CHD6: variants seen among roughly 807,000 people sequenced by gnomAD.
CHD6 encodes the protein chromodomain helicase DNA binding protein 6, also known as ATP-dependent chromatin remodeler CHD6.
In CHD6, 50 loss-of-function variants were observed where a neutral mutation model predicts 276.9. The ratio of observed to expected loss-of-function variants is 0.18; its 90% CI spans 0.14 to 0.23. The LOEUF (loss-of-function observed/expected upper bound fraction) is 0.23, where lower values mean the gene tolerates loss of function less well. Ranked by LOEUF, CHD6 falls within the 10% of genes least tolerant of loss-of-function variation. The pLI, the probability that CHD6 is intolerant of heterozygous loss-of-function variation, is 1.00. For synonymous variants in CHD6, 1,173 were observed against 1,229.3 expected, an observed-to-expected ratio of 0.95 and a Z score of 0.96; for missense variants, 2,564 against 3,365.8, an observed-to-expected ratio of 0.76 and a Z score of 5.89.
chr20:41,555,002 G>C, intron 1 of CHD6, among the ~76,000 whole-genome samples: 1 of 150,420 alleles, frequency 6.6e-6, no homozygotes, highest in African/African-American at 2.5e-5. Context: ...GGCTGGCCGG[G>C]CGGGGGGCTG....
intron 5 of CHD6, among the ~76,000 whole-genome samples, chr20:41,510,837 A>G (rs2044100235): frequency 6.6e-6 from 1 of 152,264 alleles, no homozygotes; most frequent in Non-Finnish European, 1.5e-5. Flanking sequence ...ACAAAGCAAT[A>G]CAATTCTATC....
At position 41,452,504 on chromosome 20, in the gene CHD6, T is replaced by C. The variant is rs544217133; in HGVS notation, c.3323+236A>G. On this transcript the variant is annotated intron_variant, in intron 21 of 36. Coordinates refer to ENST00000373233, the MANE Select transcript of CHD6 (RefSeq NM_032221.5). The surrounding 1 kb of genome is among the most constrained non-coding windows in gnomAD (Gnocchi z 4.2). ...CCAGACAGCAAATTAGGACCAGAGATTTGTTGTGACAGGCATATGAGAAAA... is the reference window on the plus strand; with the variant it reads ...CCAGACAGCAAATTAGGACCAGAGACTTGTTGTGACAGGCATATGAGAAAA... 1.3e-5 allele frequency among the ~76,000 whole-genome samples: 2 copies of C among 152,174 alleles called. No homozygotes were observed. Among genetic ancestry groups the C allele is most frequent in the South Asian group, 4.2e-4 (2 of 4,812 alleles).
At position 41,455,925 on chromosome 20, in the gene CHD6, C is replaced by G; in HGVS notation, c.2884G>C (p.Gly962Arg). The change falls in exon 19 of 37, where the codon GGA (glycine) becomes CGA (arginine). Residue 962 changes from glycine (G) to arginine (R), a missense_variant. Coordinates refer to ENST00000373233, the MANE Select transcript of CHD6 (RefSeq NM_032221.5). The stretch of plus-strand genomic sequence containing the variant: ...TCATCTTCTTCATCCATTAAGGCTC[C>G]ATAAGCACCTTTCCGGAGTAGGTCC... ...VEDLLRKGAY[G>R]ALMDEEDEGS... 1.9e-6 allele frequency: 3 copies of G among 1,609,068 alleles called. No homozygotes were observed. Among genetic ancestry groups the G allele is most frequent in the Non-Finnish European group, 2.5e-6 (3 of 1,178,116 alleles).
At chr20:41,539,004 T>A (rs1047759583) in intron 2 of CHD6, among the ~76,000 whole-genome samples, 1 of 152,160 alleles carries the variant, frequency 6.6e-6, no homozygotes, top group Non-Finnish European at 1.5e-5. Flanking sequence ...ATACCCTGCA[T>A]GGACTGCCCA....
chr20:41,444,725 A>G (rs2048011282), intron 25 of CHD6, among the ~76,000 whole-genome samples: 1 of 152,086 alleles, frequency 6.6e-6, no homozygotes, highest in Non-Finnish European at 1.5e-5. Context: ...CCTATTATGT[A>G]CCAAGCACTG....
rs1434212787 is a variant in CHD6 at position 41,421,649 on chromosome 20, T to C, written c.4986A>G (p.Leu1662=). Residue 1662 remains leucine (L), a synonymous_variant, in exon 31 of 37, where the codon CTA becomes CTG. Transcript: ENST00000373233. ...SESLENEPEN[L]VRVESRDDHL... Reference sequence around the variant, plus strand: ...GATCATCTCTGCTTTCTACTCTCACTAGATTTTCAGGTTCATTTTCAAGGG... The same window carrying C: ...GATCATCTCTGCTTTCTACTCTCACCAGATTTTCAGGTTCATTTTCAAGGG... 6.2e-7 allele frequency: 1 copy of C among 1,613,620 alleles called. No homozygotes were observed. Among genetic ancestry groups the C allele is most frequent in the Admixed American group, 1.7e-5 (1 of 59,964 alleles).
At chr20:41,525,300 A>T (rs981300601) in intron 3 of CHD6, among the ~76,000 whole-genome samples, 1 of 152,184 alleles carries the variant, frequency 6.6e-6, no homozygotes, top group South Asian at 2.1e-4. Flanking sequence ...CAATATCCTT[A>T]GAGTAATTGC....
intron 1 of CHD6, among the ~76,000 whole-genome samples, chr20:41,601,046 C>T (rs559599852): frequency 6.6e-6 from 1 of 152,318 alleles, no homozygotes; most frequent in African/African-American, 2.4e-5. Context: ...CTCTGCCCAC[C>T]TTTCCAGGAA....
chr20:41,476,690 C>T (rs1432982715), intron 16 of CHD6, among the ~76,000 whole-genome samples: 1 of 151,730 alleles, frequency 6.6e-6, no homozygotes. Context: ...AATGCAAACA[C>T]TTTACAAATA....
Position 41,474,176 on chromosome 20 carries a change from G to A in CHD6, c.2469-659C>T, listed in dbSNP as rs191785572. 2.7e-3 allele frequency among the ~76,000 whole-genome samples: 417 copies of A among 152,308 alleles called. 1 individual carries two copies. Among genetic ancestry groups the A allele is most frequent in the African/African-American group, 9.2e-3 (384 of 41,560 alleles). On this transcript the variant is annotated intron_variant, in intron 16 of 36. Coordinates refer to ENST00000373233, the MANE Select transcript of CHD6 (RefSeq NM_032221.5). ...GGTGTGTGTGTGGGGTGAAGGAACT[G>A]ATGAATAGTTAGAGGAAAATAAAGT...
intron 1 of CHD6, among the ~76,000 whole-genome samples, chr20:41,590,176 G>A (rs1224528061): frequency 1.3e-5 from 2 of 152,092 alleles, no homozygotes; most frequent in Non-Finnish European, 2.9e-5. Flanking sequence ...GAAAGCTGAA[G>A]TTCGATCCCT....
At chr20:41,407,224 G>GTGTGTGAAAACGTGCATA (rs2046704747) in intron 36 of CHD6, among the ~76,000 whole-genome samples, 1 of 152,188 alleles carries the variant, frequency 6.6e-6, no homozygotes, top group African/African-American at 2.4e-5. Context: ...TTCCACTAGA[G>GTGTGTGAAAACGTGCATA]TCTGCAGAGT....
chr20:41,405,900 A>G (rs564007755), intron 36 of CHD6, among the ~76,000 whole-genome samples: 7 of 152,272 alleles, frequency 4.6e-5, no homozygotes, highest in Admixed American at 1.3e-4. Context: ...CTCTTGACAC[A>G]GGTTTTTATT....
intron 3 of CHD6, among the ~76,000 whole-genome samples, chr20:41,521,399 T>C (rs958770056): frequency 2.6e-5 from 4 of 152,126 alleles, no homozygotes; most frequent in Non-Finnish European, 4.4e-5. Context: ...AGTGAACGTA[T>C]TGATGTTGGG....
At chr20:41,576,056 A>C (rs2045470977) in intron 1 of CHD6, among the ~76,000 whole-genome samples, 1 of 152,224 alleles carries the variant, frequency 6.6e-6, no homozygotes, top group South Asian at 2.1e-4. Flanking sequence ...ATATAGAGGA[A>C]AAATTAATTC....
Position 41,487,669 on chromosome 20 carries a change from T to A in CHD6, c.1997A>T (p.Glu666Val). ...LEEFGDLKTE[E>V]QVKKLQSILK... The stretch of plus-strand genomic sequence containing the variant: ...ATTCTTTGGGTCCCTAATTACCTGC[T>A]CCTCTGTTTTCAGATCTCCAAATTC... The change falls in exon 14 of 37, where the codon GAG becomes GTG. Residue 666 changes from glutamate (E) to valine (V), a missense_variant. This residue lies in a region of CHD6 where 457 missense variants were observed against 889.0 expected (regional missense o/e 0.51). Coordinates refer to ENST00000373233, the MANE Select transcript of CHD6 (RefSeq NM_032221.5). The A allele has an allele frequency of 6.2e-7, 1 of 1,601,410 alleles. No individual in the cohort carries two copies. The highest frequency in any genetic ancestry group is 1.1e-5 in the South Asian group (1 of 88,470).
intron 24 of CHD6, among the ~76,000 whole-genome samples, chr20:41,446,493 T>C (rs1406674244): frequency 1.3e-5 from 2 of 152,210 alleles, no homozygotes; most frequent in Non-Finnish European, 2.9e-5. Flanking sequence ...TCTTCATTCA[T>C]CTGAGTACAG....
At position 41,421,480 on chromosome 20, in the gene CHD6, A is replaced by G. The variant is rs1235990046; in HGVS notation, c.5155T>C (p.Ser1719Pro). Reference sequence around the variant, plus strand: ...TTGGTACTTGGGCTCTCCTGAAAAGAGCTTGGTTCTTGGCTGAGCACCTTC... The same window carrying G: ...TTGGTACTTGGGCTCTCCTGAAAAGGGCTTGGTTCTTGGCTGAGCACCTTC... ...GKKVLSQEPS[S>P]FQESPSTNTE... is the part of the protein sequence containing the mutation. Residue 1719 changes from serine to proline, a missense_variant, in exon 31 of 37, where the codon TCT (serine) becomes CCT (proline). By Grantham distance (74) the Ser-to-Pro change is moderately conservative. This residue lies in a region of CHD6 where 1,024 missense variants were observed against 1,047.9 expected (regional missense o/e 0.98). Transcript: ENST00000373233. The G allele has an allele frequency of 1.9e-6, 3 of 1,613,726 alleles. No homozygotes were observed. The highest frequency in any genetic ancestry group is 1.7e-5 in the Admixed American group (1 of 59,942).
chr20:41,427,967 T>G (rs8123511), intron 27 of CHD6, among the ~76,000 whole-genome samples: 2,510 of 152,280 alleles, frequency 0.016, 32 homozygotes, highest in Non-Finnish European at 0.025. Context: ...ACAACACAGG[T>G]GGCAGGCCCC....
Sources: gnomAD v4.1 joint callset for allele counts (sites outside exome capture counted in the v4.1 genomes callset) on GRCh38, gnomAD v4.1.1 for gene constraint, gnomAD v4.1.1 regional missense constraint, Gnocchi (gnomAD v3.1) non-coding constraint, MANE v1.5 for transcripts, NCBI Gene and HGNC (gene_info 2026-07-23, HGNC 2026-07-21) for gene names.